TNS3: variants seen among roughly 807,000 people sequenced by gnomAD.
The protein encoded by TNS3 is tensin-3.
TNS3 carries 45 observed loss-of-function variants against 140.9 expected under a neutral mutation model. That is an observed-to-expected ratio of 0.32 (90% CI 0.25 to 0.41). The LOEUF (loss-of-function observed/expected upper bound fraction) is 0.41. TNS3 is among the 10% of genes least tolerant of loss of function. The probability of loss-of-function intolerance (pLI) is 1.00; values close to 1 mark genes in which losing one functional copy is unlikely to be tolerated. For missense variants in TNS3, 1,716 were observed against 1,906.7 expected (o/e 0.90, Z 1.86); for synonymous variants, 815 against 788.4 (o/e 1.03, Z -0.56).
chr7:47,494,782 G>A (rs1162129964), intron 3 of TNS3, among the ~76,000 whole-genome samples: 1 of 152,064 alleles, frequency 6.6e-6, no homozygotes, highest in African/African-American at 2.4e-5. Context: ...AGCTATTTCT[G>A]TGCTTGACAG....
At chr7:47,534,391 T>C (rs1799527649) in intron 1 of TNS3, among the ~76,000 whole-genome samples, 1 of 152,098 alleles carries the variant, frequency 6.6e-6, no homozygotes. Context: ...TCACAACCTC[T>C]CTTAAATAGA....
rs957279622 is a variant in TNS3 at position 47,276,395 on chromosome 7, C to T, written c.*1681G>A. 5.9e-5 allele frequency: 9 copies of T among 152,614 alleles called. No individual in the cohort carries two copies. Among genetic ancestry groups the T allele is most frequent in the Non-Finnish European group, 8.8e-5 (6 of 68,270 alleles). 9.5% of individuals were successfully genotyped at this position (152,614 alleles called of 1,614,324 possible). A position where few individuals can be genotyped will look rare whatever the true frequency, so the allele number is the denominator to read the frequency against. On this transcript the variant is annotated 3_prime_UTR_variant, in exon 31 of 31. Coordinates refer to ENST00000311160, the MANE Select transcript of TNS3 (RefSeq NM_022748.12). Reference sequence around the variant, plus strand: ...ACTCTGCCTGTTTCTAAGTTTTCCTCGGCCCCTCACTTTAAAGCAGAGTTC... The same window carrying T: ...ACTCTGCCTGTTTCTAAGTTTTCCTTGGCCCCTCACTTTAAAGCAGAGTTC...
intron 17 of TNS3, among the ~76,000 whole-genome samples, chr7:47,367,614 G>A (rs2462625): frequency 0.5 from 76,529 of 152,030 alleles, 21,418 homozygotes; most frequent in Non-Finnish European, 0.64. Flanking sequence ...GCATGACCCC[G>A]GCCTGGTTTT....
intron 2 of TNS3, among the ~76,000 whole-genome samples, chr7:47,515,858 A>G (rs926753280): frequency 2.6e-5 from 4 of 152,190 alleles, no homozygotes; most frequent in East Asian, 3.8e-4. Context: ...GGAGCTCCTC[A>G]GTGTTCTTTG....
rs769585248 is a variant in TNS3, at chr7:47,303,254, G to A, written c.3153C>T (p.Pro1051=). The A allele has an allele frequency of 3.1e-6, 5 of 1,613,744 alleles. No homozygotes were observed. Among genetic ancestry groups the A allele is most frequent in the Admixed American group, 1.7e-5 (1 of 60,022 alleles). ...CCCCTGTCGCTGTCAGCGGGATGCT[G>A]GGGGTCGGTGACGCTCCATGAGAAT... ...LANSHGASPT[P]SIPLTATGAA... is the part of the protein sequence containing the mutation. The change falls in exon 22 of 31, where the codon CCC becomes CCT. Residue 1051 remains proline, a synonymous_variant. Transcript: ENST00000311160.
chr7:47,358,387 G>A (rs543341622), intron 17 of TNS3, among the ~76,000 whole-genome samples: 11 of 152,134 alleles, frequency 7.2e-5, no homozygotes, highest in South Asian at 2.1e-4. Context: ...TCCACCCACC[G>A]TGGCCTCTCA....
chr7:47,481,833 C>T (rs115005562), intron 3 of TNS3: 3 of 297,680 alleles, frequency 1.0e-5, no homozygotes, highest in Non-Finnish European at 1.5e-5. Flanking sequence ...AGGGCAAAGA[C>T]CCCACCTTGG....
At chr7:47,418,110 G>T (rs1447121451) in intron 10 of TNS3, among the ~76,000 whole-genome samples, 1 of 152,200 alleles carries the variant, frequency 6.6e-6, no homozygotes, top group Non-Finnish European at 1.5e-5. Context: ...CCAACATGCT[G>T]AAATCCTGTC....
In TNS3 at chr7:47,277,146, T is replaced by G. The variant is rs1472087444; in HGVS notation, c.*930A>C. On this transcript the variant is annotated 3_prime_UTR_variant, in exon 31 of 31. Coordinates refer to ENST00000311160, the MANE Select transcript of TNS3 (RefSeq NM_022748.12). ...AGACCCACAGTCCACTGCACACTCT[T>G]TCAGTGGCCAGGGGCCTGCGGTGCA... The G allele has an allele frequency of 6.6e-6, 1 of 152,156 alleles. No individual in the cohort carries two copies. Among genetic ancestry groups the G allele is most frequent in the African/African-American group, 2.4e-5 (1 of 41,424 alleles). 9.4% of individuals were successfully genotyped at this position (152,156 alleles called of 1,614,324 possible). A position where few individuals can be genotyped will look rare whatever the true frequency, so the allele number is the denominator to read the frequency against.
intron 16 of TNS3, among the ~76,000 whole-genome samples, chr7:47,384,964 C>T (rs548683512): frequency 1.8e-4 from 28 of 152,366 alleles, no homozygotes; most frequent in African/African-American, 6.7e-4. Flanking sequence ...CAACAACCAC[C>T]TGTTGCCAGG....
intron 2 of TNS3, among the ~76,000 whole-genome samples, chr7:47,520,427 T>G (rs1450855826): frequency 6.6e-6 from 1 of 152,168 alleles, no homozygotes; most frequent in Non-Finnish European, 1.5e-5. Context: ...TCAGTGAGTT[T>G]TAAAAATCAA....
chr7:47,493,591 G>C (rs1268146495), intron 3 of TNS3, among the ~76,000 whole-genome samples: 3 of 151,874 alleles, frequency 2.0e-5, no homozygotes, highest in Admixed American at 2.0e-4. Context: ...GGCCAAGGCG[G>C]GTGGATCACG....
chr7:47,571,513 G>GAGCTCACAT (rs1429217090), intron 1 of TNS3, among the ~76,000 whole-genome samples: 3 of 152,116 alleles, frequency 2.0e-5, no homozygotes, highest in African/African-American at 7.2e-5. Flanking sequence ...GGTGTCCCCA[G>GAGCTCACAT]AGCTGACAAG....
chr7:47,521,749 C>CG (rs1363505438), intron 2 of TNS3, among the ~76,000 whole-genome samples: 5 of 152,064 alleles, frequency 3.3e-5, no homozygotes, highest in Non-Finnish European at 7.4e-5. Flanking sequence ...CTCAAAGCAC[C>CG]TGGGGGAGTC....
Position 47,400,409 on chromosome 7 carries a change from C to A in TNS3, c.903G>T (p.Thr301=). 1 of 1,614,092 alleles carries A rather than the reference C, an allele frequency of 6.2e-7. No individual in the cohort carries two copies. Among genetic ancestry groups the A allele is most frequent in the Non-Finnish European group, 8.5e-7 (1 of 1,180,010 alleles). ...GCTACCCACCTTGAATCTTCTCAGG[C>A]GTGGCAGAGAAGACTAATTCAACCT... is the stretch of plus-strand genomic sequence containing the variant. ...YGKVELVFSA[T]PEKIQGSEHL... The change falls in exon 15 of 31, where the codon ACG becomes ACT. Residue 301 remains threonine (T), a synonymous_variant. Coordinates refer to ENST00000311160, the MANE Select transcript of TNS3 (RefSeq NM_022748.12).
intron 3 of TNS3, among the ~76,000 whole-genome samples, chr7:47,482,425 C>T (rs1797455339): frequency 6.6e-6 from 1 of 152,030 alleles, no homozygotes; most frequent in African/African-American, 2.4e-5. Flanking sequence ...CTCAGGGCCC[C>T]TTTAAAGTTT....
chr7:47,288,590 C>A (rs1301038518), intron 27 of TNS3, among the ~76,000 whole-genome samples: 1 of 152,202 alleles, frequency 6.6e-6, no homozygotes, highest in Non-Finnish European at 1.5e-5. Context: ...GGGCACTTCA[C>A]TGGGACCCAC....
Position 47,277,554 on chromosome 7 carries a change from C to T in TNS3, c.*522G>A, listed in dbSNP as rs1341299403. ...GAAGGGCCTGACTTGCACAAACCTT[C>T]GTCAAACATACGCCCCCTTCTCAGT... On this transcript the variant is annotated 3_prime_UTR_variant, in exon 31 of 31. Transcript: ENST00000311160. 1.5e-5 allele frequency: 3 copies of T among 202,844 alleles called. No individual in the cohort carries two copies. Among genetic ancestry groups the T allele is most frequent in the African/African-American group, 2.4e-5 (1 of 42,508 alleles). The allele number at this position is 202,844 out of a possible 1,614,324, so 12.6% of individuals were successfully genotyped here. A position where few individuals can be genotyped will look rare whatever the true frequency, so the allele number is the denominator to read the frequency against.
rs192737590 is a variant in TNS3 at position 47,506,838 on chromosome 7, C to A, written c.-115+69G>T. The A allele has an allele frequency of 2.5e-5, 30 of 1,194,856 alleles. No homozygotes were observed. In the East Asian group the frequency reaches 2.9e-4, roughly 11 times the overall value. The allele number at this position is 1,194,856 out of a possible 1,614,324, so 74.0% of individuals were successfully genotyped here. ...TGGCTGCAGTCCAAAGAGGCCCCCC[C>A]ACACATATCATTCAATGAAGGCCAA... is the stretch of plus-strand genomic sequence containing the variant. On this transcript the variant is annotated intron_variant, in intron 3 of 30. Coordinates refer to ENST00000311160, the MANE Select transcript of TNS3 (RefSeq NM_022748.12).
Sources: gnomAD v4.1 joint callset for allele counts (sites outside exome capture counted in the v4.1 genomes callset) on GRCh38, gnomAD v4.1.1 for gene constraint, MANE v1.5 for transcripts, NCBI Gene and HGNC (gene_info 2026-07-23, HGNC 2026-07-21) for gene names.